RAB21: variants seen among roughly 807,000 people sequenced by gnomAD.
RAB21 encodes RAB21, member RAS oncogene family.
In RAB21, 13 loss-of-function variants were observed where a neutral mutation model predicts 33.1. That is an observed-to-expected ratio of 0.39 (90% CI 0.26 to 0.62). The LOEUF (loss-of-function observed/expected upper bound fraction) is 0.62, where lower values mean the gene tolerates loss of function less well. Ranked by LOEUF, RAB21 falls within the 20% of genes least tolerant of loss-of-function variation. RAB21 has a pLI of 0.48. For missense variants in RAB21, 234 were observed against 279.1 expected (o/e 0.84, Z 1.15); for synonymous variants, 91 against 103.7 (o/e 0.88, Z 0.74).
At chr12:71,768,916 T>G (rs940454219) in intron 1 of RAB21, among the ~76,000 whole-genome samples, 26 of 152,018 alleles carry the variant, frequency 1.7e-4, no homozygotes, top group Admixed American at 7.9e-4. Context: ...ACATAGTATT[T>G]CCAAAGTATA....
chr12:71,773,819 G>T, intron 3 of RAB21, 140 bp from the exon 4 acceptor site: 1 of 595,776 alleles, frequency 1.7e-6, no homozygotes, highest in Non-Finnish European at 2.9e-6. Context: ...TGATTCTTCA[G>T]TGAATCATTT....
chr12:71,764,833 G>A (rs531722444), intron 1 of RAB21, among the ~76,000 whole-genome samples: 10 of 152,042 alleles, frequency 6.6e-5, no homozygotes, highest in African/African-American at 9.6e-5. Flanking sequence ...TATATATACC[G>A]CATATTCTTT....
rs1470381010 is a variant in RAB21 at position 71,755,711 on chromosome 12, A to G, written c.159+423A>G. Among the ~76,000 whole-genome samples, 4 of 152,204 alleles carry G rather than the reference A, an allele frequency of 2.6e-5. No individual in the cohort carries two copies. The East Asian group carries it at 7.7e-4, about 29-fold the overall frequency. ...TAGGTGATTTGTAACTTCAGCGCTT[A>G]CTGATGACTAAGTGTTTATGCAAGT... On this transcript the variant is annotated intron_variant, in intron 1 of 6. Coordinates refer to ENST00000261263, the MANE Select transcript of RAB21 (RefSeq NM_014999.4).
chr12:71,793,218 T>G lies in RAB21; in HGVS notation c.*7545T>G, dbSNP rs1014128197. 4 of 152,206 alleles carry G rather than the reference T, an allele frequency of 2.6e-5. No homozygotes were observed. Among genetic ancestry groups the G allele is most frequent in the Admixed American group, 2.6e-4 (4 of 15,284 alleles). 9.4% of individuals were successfully genotyped at this position (152,206 alleles called of 1,614,324 possible). A position where few individuals can be genotyped will look rare whatever the true frequency, so the allele number is the denominator to read the frequency against. The stretch of plus-strand genomic sequence containing the variant: ...AATACAATTTAAAAAGCAATCATGT[T>G]GTTTTCTTTGCCTTTGACAGATGTG... On this transcript the variant is annotated 3_prime_UTR_variant, in exon 7 of 7. Coordinates refer to ENST00000261263, the MANE Select transcript of RAB21 (RefSeq NM_014999.4).
At chr12:71,769,996 C>G in intron 2 of RAB21, 137 bp downstream of exon 2, 1 of 421,918 alleles carries the variant, frequency 2.4e-6, no homozygotes. Flanking sequence ...AGAATTATAT[C>G]TGGAATATAA....
At position 71,789,897 on chromosome 12, in the gene RAB21, G is replaced by A. The variant is rs1425948527; in HGVS notation, c.*4224G>A. ...AATTTTGAGCAAAATTTTCCTAGTT[G>A]TAATATTTTAATAGTGTTATGTATT... On this transcript the variant is annotated 3_prime_UTR_variant, in exon 7 of 7. Transcript: ENST00000261263. 1 of 152,000 alleles carries A rather than the reference G, an allele frequency of 6.6e-6. No homozygotes were observed. The highest frequency in any genetic ancestry group is 1.5e-5 in the Non-Finnish European group (1 of 67,944). The allele number at this position is 152,000 out of a possible 1,614,324, so 9.4% of individuals were successfully genotyped here.
At chr12:71,760,399 A>T (rs991075217) in intron 1 of RAB21, among the ~76,000 whole-genome samples, 2 of 152,132 alleles carry the variant, frequency 1.3e-5, no homozygotes, top group African/African-American at 2.4e-5. Context: ...CTCTCGTGTG[A>T]TTTCCTCGCT....
chr12:71,774,408 G>A (rs2137650864), intron 4 of RAB21: 1 of 157,442 alleles, frequency 6.4e-6, no homozygotes, highest in Non-Finnish European at 1.4e-5. Flanking sequence ...AGAGGGTGCA[G>A]TGAGCCAAGG....
intron 3 of RAB21, among the ~76,000 whole-genome samples, chr12:71,773,529 A>C (rs1045608704): frequency 5.3e-5 from 8 of 152,040 alleles, no homozygotes; most frequent in Non-Finnish European, 1.2e-4. Flanking sequence ...CTTTGTCTTT[A>C]AGTGTGTGAC....
Position 71,772,822 on chromosome 12 carries a change from CTG to C in RAB21, c.328-1135_328-1134del, listed in dbSNP as rs1473568022. ...AAAAGGTGGGGCTATACTGAGAAAA[CTG>C]TCATTCAGTGCTGTTATAAAGATAA... On this transcript the variant is annotated intron_variant, in intron 3 of 6. Transcript: ENST00000261263. Among the ~76,000 whole-genome samples, 296 of 152,228 alleles carry C rather than the reference CTG, an allele frequency of 1.9e-3. 2 individuals are homozygous for C. Among genetic ancestry groups the C allele is most frequent in the Non-Finnish European group, 8.5e-4 (58 of 68,022 alleles).
intron 1 of RAB21, 70 bp downstream of exon 1, chr12:71,755,358 C>A: frequency 7.1e-7 from 1 of 1,406,094 alleles, no homozygotes; most frequent in Non-Finnish European, 9.2e-7. Context: ...GAAACTTTGC[C>A]GCCCTGGTCC....
Position 71,788,785 on chromosome 12 carries a change from G to A in RAB21, c.*3112G>A, listed in dbSNP as rs1029250482. On this transcript the variant is annotated 3_prime_UTR_variant, in exon 7 of 7. Coordinates refer to ENST00000261263, the MANE Select transcript of RAB21 (RefSeq NM_014999.4). ...TTAAAAGTATACAATCATTGTTTCT[G>A]TAATGATGATGGGTATTCTGCTTCT... is the stretch of plus-strand genomic sequence containing the variant. 6.6e-6 allele frequency: 1 copy of A among 152,076 alleles called. No homozygotes were observed. Among genetic ancestry groups the A allele is most frequent in the Admixed American group, 6.5e-5 (1 of 15,270 alleles). 9.4% of individuals were successfully genotyped at this position (152,076 alleles called of 1,614,324 possible).
intron 2 of RAB21, 151 bp from the exon 3 acceptor site, chr12:71,770,441 C>T: frequency 1.6e-6 from 1 of 612,888 alleles, no homozygotes. Context: ...TTGTGTGTGG[C>T]CTGTTTTGCT....
chr12:71,791,343 C>T lies in RAB21; in HGVS notation c.*5670C>T. The T allele has an allele frequency of 6.6e-6, 1 of 152,258 alleles. No homozygotes were observed. The highest frequency in any genetic ancestry group is 2.1e-4 in the South Asian group (1 of 4,826). The allele number at this position is 152,258 out of a possible 1,614,324, so 9.4% of individuals were successfully genotyped here. ...AATGCTTAGACAGAATCAGGGTCTGCTTTAAGCATGTGAATCAGGAAACTA... is the reference window on the plus strand; with the variant it reads ...AATGCTTAGACAGAATCAGGGTCTGTTTTAAGCATGTGAATCAGGAAACTA... On this transcript the variant is annotated 3_prime_UTR_variant, in exon 7 of 7. Transcript: ENST00000261263.
At position 71,792,733 on chromosome 12, in the gene RAB21, A is replaced by T. The variant is rs984847630; in HGVS notation, c.*7060A>T. ...ACAAACTGCTATGTGCCCAGTGTACATACATGGGAGAACCAGATAGCCAAA... is the reference window on the plus strand; with the variant it reads ...ACAAACTGCTATGTGCCCAGTGTACTTACATGGGAGAACCAGATAGCCAAA... On this transcript the variant is annotated 3_prime_UTR_variant, in exon 7 of 7. Coordinates refer to ENST00000261263, the MANE Select transcript of RAB21 (RefSeq NM_014999.4). 7 of 152,200 alleles carry T rather than the reference A, an allele frequency of 4.6e-5. No individual in the cohort carries two copies. The highest frequency in any genetic ancestry group is 7.2e-5 in the African/African-American group (3 of 41,440). 9.4% of individuals were successfully genotyped at this position (152,200 alleles called of 1,614,324 possible).
chr12:71,768,955 A>G (rs1428739010), intron 1 of RAB21, among the ~76,000 whole-genome samples: 1 of 152,078 alleles, frequency 6.6e-6, no homozygotes, highest in Non-Finnish European at 1.5e-5. Context: ...GTGTCTAAAT[A>G]CATGTCTGGT....
intron 1 of RAB21, among the ~76,000 whole-genome samples, chr12:71,763,500 A>T (rs1175520037): frequency 6.7e-6 from 1 of 150,100 alleles, no homozygotes; most frequent in Non-Finnish European, 1.5e-5. Flanking sequence ...ATTTTTTTTT[A>T]AATAGCATTT....
intron 3 of RAB21, 91 bp from the exon 4 acceptor site, chr12:71,773,868 A>G (rs1417401233): frequency 2.5e-6 from 2 of 816,046 alleles, no homozygotes; most frequent in Non-Finnish European, 4.0e-6. Flanking sequence ...TAAAATTCTG[A>G]GGTATTTTGA....
At chr12:71,763,039 C>T (rs1374755269) in intron 1 of RAB21, among the ~76,000 whole-genome samples, 1 of 151,054 alleles carries the variant, frequency 6.6e-6, no homozygotes, top group Non-Finnish European at 1.5e-5. Flanking sequence ...AATAGTTGTA[C>T]ATTATTTAAA....
Sources: allele counts gnomAD v4.1 joint callset (sites outside exome capture counted in the v4.1 genomes callset), GRCh38; gene constraint gnomAD v4.1.1; transcripts MANE v1.5; gene names NCBI Gene and HGNC (gene_info 2026-07-23, HGNC 2026-07-21).